Variants in ULK4 observed in about 807,000 individuals in gnomAD.
The protein encoded by ULK4 is inactive serine/threonine-protein kinase ULK4.
ULK4 carries 133 observed loss-of-function variants against 160.6 expected under a neutral mutation model. The ratio of observed to expected loss-of-function variants is 0.83; its 90% CI spans 0.72 to 0.96. ULK4 has a LOEUF of 0.96. ULK4 is among the 40% of genes least tolerant of loss of function. ULK4 has a pLI of 0.00. For missense variants in ULK4, 1,580 were observed against 1,499.5 expected, an observed-to-expected ratio of 1.05 and a Z score of -0.89; for synonymous variants, 534 against 539.8, an observed-to-expected ratio of 0.99 and a Z score of 0.15.
intron 21 of ULK4, among the ~76,000 whole-genome samples, chr3:41,787,256 G>A (rs1355442147): frequency 2.0e-5 from 3 of 152,038 alleles, no homozygotes; most frequent in African/African-American, 7.3e-5. Context: ...CCAACCCAAC[G>A]ACAGAAAGTC....
At chr3:41,435,363 G>T (rs949105031) in intron 34 of ULK4, among the ~76,000 whole-genome samples, 1 of 152,112 alleles carries the variant, frequency 6.6e-6, no homozygotes, top group Admixed American at 6.5e-5. Flanking sequence ...TGATCACAGG[G>T]TGTCCAATCA....
At chr3:41,844,995 T>G (rs1336310080) in intron 17 of ULK4, among the ~76,000 whole-genome samples, 1 of 150,518 alleles carries the variant, frequency 6.6e-6, no homozygotes, top group African/African-American at 2.4e-5. Flanking sequence ...AGACGGAGTC[T>G]CGCCCTGTTG....
rs186799562 is a variant in ULK4 at position 41,500,731 on chromosome 3, T to G, written c.3227-37478A>C. ...TTCTGGAATGATTTGGAGATTACAG[T>G]TGAACCCTGCAATCTCCAAACCCTG... On this transcript the variant is annotated intron_variant, in intron 32 of 36. Transcript: ENST00000301831. 5.8e-4 allele frequency among the ~76,000 whole-genome samples: 89 copies of G among 152,220 alleles called. No individual in the cohort carries two copies. In the East Asian group the frequency reaches 0.014, roughly 24 times the overall value.
intron 29 of ULK4, among the ~76,000 whole-genome samples, chr3:41,675,715 G>A (rs2035689709): frequency 6.6e-6 from 1 of 152,066 alleles, no homozygotes; most frequent in Non-Finnish European, 1.5e-5. Context: ...GAGATAAAAG[G>A]GAGAAAGCCA....
chr3:41,274,207 T>A (rs2079190816), intron 35 of ULK4, among the ~76,000 whole-genome samples: 1 of 152,006 alleles, frequency 6.6e-6, no homozygotes, highest in African/African-American at 2.4e-5. Flanking sequence ...GTTTTCTGTA[T>A]TTTTTTTCCT....
intron 20 of ULK4, among the ~76,000 whole-genome samples, chr3:41,797,498 T>A (rs575058134): frequency 9.9e-5 from 15 of 152,080 alleles, no homozygotes; most frequent in Non-Finnish European, 2.1e-4. Flanking sequence ...CTCTAAAAAT[T>A]GTAAATGACG....
intron 33 of ULK4, among the ~76,000 whole-genome samples, chr3:41,459,689 G>A (rs1287365708): frequency 6.6e-6 from 1 of 152,158 alleles, no homozygotes; most frequent in African/African-American, 2.4e-5. Context: ...GTGGGGACGG[G>A]GTCTACTAGA....
At chr3:41,469,838 T>C (rs2083931904) in intron 32 of ULK4, among the ~76,000 whole-genome samples, 1 of 150,366 alleles carries the variant, frequency 6.7e-6, no homozygotes, top group Admixed American at 6.6e-5. Context: ...AGCTTCAACA[T>C]AGGCTCCCTC....
chr3:41,753,843 G>C (rs553784189), intron 22 of ULK4, among the ~76,000 whole-genome samples: 3 of 152,162 alleles, frequency 2.0e-5, no homozygotes, highest in Non-Finnish European at 4.4e-5. Context: ...AAAGGAAAAA[G>C]GTTAATTAAT....
chr3:41,359,865 G>A (rs925104104), intron 35 of ULK4, among the ~76,000 whole-genome samples: 1 of 152,062 alleles, frequency 6.6e-6, no homozygotes, highest in Non-Finnish European at 1.5e-5. Context: ...CACAGGCATG[G>A]GCAAAGATTT....
intron 27 of ULK4, among the ~76,000 whole-genome samples, chr3:41,695,283 A>T (rs9824153): frequency 0.028 from 4,288 of 152,286 alleles, 210 homozygotes; most frequent in African/African-American, 0.098. Context: ...CACAATGCAT[A>T]TACATGCTTA....
intron 13 of ULK4, among the ~76,000 whole-genome samples, 155 bp downstream of exon 13, chr3:41,900,570 G>A (rs1349913073): frequency 6.6e-6 from 1 of 152,160 alleles, no homozygotes; most frequent in Non-Finnish European, 1.5e-5. Context: ...GACAGAGGGG[G>A]AGCTGCAAAT....
intron 32 of ULK4, among the ~76,000 whole-genome samples, chr3:41,516,395 G>A (rs2085748067): frequency 6.6e-6 from 1 of 151,808 alleles, no homozygotes; most frequent in Admixed American, 6.6e-5. Context: ...TAAACCTGAA[G>A]AAAATAAAAA....
intron 17 of ULK4, among the ~76,000 whole-genome samples, chr3:41,838,060 C>A (rs1423009154): frequency 6.6e-6 from 1 of 152,194 alleles, no homozygotes; most frequent in Non-Finnish European, 1.5e-5. Context: ...CTTTGCTGAT[C>A]ATCTACTACA....
At chr3:41,665,475 G>T (rs1308192191) in intron 29 of ULK4, among the ~76,000 whole-genome samples, 1 of 152,138 alleles carries the variant, frequency 6.6e-6, no homozygotes, top group Non-Finnish European at 1.5e-5. Flanking sequence ...CAAAACTGGG[G>T]TAATGAGTCA....
At chr3:41,843,047 T>A (rs1355188625) in intron 17 of ULK4, among the ~76,000 whole-genome samples, 1 of 152,172 alleles carries the variant, frequency 6.6e-6, no homozygotes, top group Non-Finnish European at 1.5e-5. Context: ...ATCACAGACT[T>A]AAATGTAAAA....
At chr3:41,579,496 T>A (rs1029642680) in intron 31 of ULK4, among the ~76,000 whole-genome samples, 2 of 142,460 alleles carry the variant, frequency 1.4e-5, no homozygotes, top group Non-Finnish European at 3.1e-5. Context: ...TTTTTTTTTT[T>A]TTTTTTTTTT....
intron 35 of ULK4, among the ~76,000 whole-genome samples, chr3:41,275,779 G>A (rs1162238717): frequency 6.6e-6 from 1 of 152,188 alleles, no homozygotes; most frequent in Admixed American, 6.5e-5. Flanking sequence ...AGAGTCCAAG[G>A]TGACACCATC....
At chr3:41,701,754 A>G (rs2036681578) in intron 27 of ULK4, among the ~76,000 whole-genome samples, 1 of 152,238 alleles carries the variant, frequency 6.6e-6, no homozygotes, top group African/African-American at 2.4e-5. Flanking sequence ...TGAAAATCCC[A>G]GACAACAATA....
Sources: gnomAD v4.1 joint callset for allele counts (sites outside exome capture counted in the v4.1 genomes callset) on GRCh38, gnomAD v4.1.1 for gene constraint, MANE v1.5 for transcripts, NCBI Gene and HGNC (gene_info 2026-07-23, HGNC 2026-07-21) for gene names.